Variants in KCNQ1 observed in about 807,000 individuals in gnomAD.
KCNQ1 encodes the protein potassium voltage-gated channel subfamily Q member 1.
In KCNQ1, 49 loss-of-function variants were observed where a neutral mutation model predicts 72.4. The observed-to-expected ratio is 0.68, with a 90% CI of 0.54 to 0.86. KCNQ1 has a LOEUF of 0.86. KCNQ1 is among the 40% of genes least tolerant of loss of function. KCNQ1 has a pLI of 0.00. For missense variants in KCNQ1, 790 were observed against 945.1 expected (o/e 0.84, Z 2.15); for synonymous variants, 450 against 412.6 (o/e 1.09, Z -1.10).
chr11:2,614,354 T>G (rs1453345337), intron 10 of KCNQ1: 6 of 398,470 alleles, frequency 1.5e-5, no homozygotes, highest in Non-Finnish European at 2.2e-5. Context: ...GTGCACCCTT[T>G]AAATTTTTTA....
At position 2,831,194 on chromosome 11, in the gene KCNQ1, C is replaced by G. The variant is rs199856137; in HGVS notation, c.1795-16573C>G. 7.2e-5 allele frequency among the ~76,000 whole-genome samples: 11 copies of G among 152,322 alleles called. No individual in the cohort carries two copies. The East Asian group carries it at 2.1e-3, about 29-fold the overall frequency. On this transcript the variant is annotated intron_variant, in intron 15 of 15. Transcript: ENST00000155840. ...ACAGGTGCTCTGTGATCAGCAGCAG[C>G]TGCTACAGGGATGGCCATCGGGTGC...
In KCNQ1 at chr11:2,579,893, C is replaced by T. The variant is rs1367376447; in HGVS notation, c.922-3542C>T. Among the ~76,000 whole-genome samples, 7 of 152,046 alleles carry T rather than the reference C, an allele frequency of 4.6e-5. No homozygotes were observed. In the East Asian group the frequency reaches 9.7e-4, roughly 21 times the overall value. On this transcript the variant is annotated intron_variant, in intron 6 of 15. Coordinates refer to ENST00000155840, the MANE Select transcript of KCNQ1 (RefSeq NM_000218.3). The surrounding 1 kb of genome is among the most constrained non-coding windows in gnomAD (Gnocchi z 6.0). ...GAAGGTGGTCTCGGGTGTCCTTACG[C>T]GAGCAGGTGGCTACCTCACCTGCTC... is the stretch of plus-strand genomic sequence containing the variant.
Position 2,654,294 on chromosome 11 carries a change from A to T in KCNQ1, c.1394-7667A>T. The T allele has an allele frequency of 2.5e-6, 1 of 396,892 alleles. No individual in the cohort carries two copies. Among genetic ancestry groups the T allele is most frequent in the Non-Finnish European group, 4.4e-6 (1 of 225,664 alleles). 24.6% of individuals were successfully genotyped at this position (396,892 alleles called of 1,614,324 possible). On this transcript the variant is annotated intron_variant, in intron 10 of 15. Transcript: ENST00000155840. This position sits in a 1 kb window ranked among gnomAD's most constrained non-coding sequence, Gnocchi z 6.4. ...GCAGGGCTTTGGTGAATCCACTGAG[A>T]GGGGGAGATTTCTTGAGGGGGCCAG...
Position 2,713,871 on chromosome 11 carries a change from C to A in KCNQ1, c.1514+51790C>A, listed in dbSNP as rs116579288. Among the ~76,000 whole-genome samples, 797 of 152,364 alleles carry A rather than the reference C, an allele frequency of 5.2e-3. 8 individuals are homozygous for A. The highest frequency in any genetic ancestry group is 0.018 in the African/African-American group (761 of 41,582). Reference sequence around the variant, plus strand: ...TATTGCTTCCAGATGGGCAAACGCGCGCTCGGAGCCTGGCCCTGCAGACAC... The same window carrying A: ...TATTGCTTCCAGATGGGCAAACGCGAGCTCGGAGCCTGGCCCTGCAGACAC... On this transcript the variant is annotated intron_variant, in intron 11 of 15. Coordinates refer to ENST00000155840, the MANE Select transcript of KCNQ1 (RefSeq NM_000218.3). This position sits in a 1 kb window ranked among gnomAD's most constrained non-coding sequence, Gnocchi z 5.6.
chr11:2,815,232 C>T lies in KCNQ1; in HGVS notation c.1795-32535C>T, dbSNP rs967292124. Among the ~76,000 whole-genome samples the T allele has an allele frequency of 3.9e-5, 6 of 152,192 alleles. No individual in the cohort carries two copies. Among genetic ancestry groups the T allele is most frequent in the African/African-American group, 1.4e-4 (6 of 41,446 alleles). ...CTTGAACCTGGGCAGCCTTTATTCTCTAGGGGCCTTGGGGGTGTCTAGGCT... is the reference window on the plus strand; with the variant it reads ...CTTGAACCTGGGCAGCCTTTATTCTTTAGGGGCCTTGGGGGTGTCTAGGCT... On this transcript the variant is annotated intron_variant, in intron 15 of 15. Transcript: ENST00000155840. The surrounding 1 kb of genome is among the most constrained non-coding windows in gnomAD (Gnocchi z 5.4).
At chr11:2,681,294 T>C in intron 11 of KCNQ1, 1 of 398,596 alleles carries the variant, frequency 2.5e-6, no homozygotes, top group Non-Finnish European at 4.4e-6. Context: ...CTTCCTGTCC[T>C]ACCAGCCCAC....
At chr11:2,485,559 C>T (rs1283526592) in intron 1 of KCNQ1, among the ~76,000 whole-genome samples, 1 of 152,158 alleles carries the variant, frequency 6.6e-6, no homozygotes, top group Non-Finnish European at 1.5e-5. Flanking sequence ...ACCATTTTAA[C>T]TATTTTTAAG....
In KCNQ1 at chr11:2,676,441, T is replaced by C. The variant is rs1261103796; in HGVS notation, c.1514+14360T>C. ...GGCTGGGCTTTTCCCAGATAGGACA[T>C]GCTCACTGTTCTGCTCAGATTGTTA... On this transcript the variant is annotated intron_variant, in intron 11 of 15. Transcript: ENST00000155840. The surrounding 1 kb of genome is among the most constrained non-coding windows in gnomAD (Gnocchi z 4.2). The C allele has an allele frequency of 5.0e-6, 2 of 398,670 alleles. No homozygotes were observed. Among genetic ancestry groups the C allele is most frequent in the Non-Finnish European group, 8.8e-6 (2 of 226,082 alleles). The allele number at this position is 398,670 out of a possible 1,614,324, so 24.7% of individuals were successfully genotyped here.
chr11:2,628,212 C>T lies in KCNQ1; in HGVS notation c.1394-33749C>T, dbSNP rs567775830. The T allele has an allele frequency of 4.4e-4, 176 of 398,548 alleles. No individual in the cohort carries two copies. The highest frequency in any genetic ancestry group is 3.3e-3 in the African/African-American group (162 of 48,718). The allele number at this position is 398,548 out of a possible 1,614,324, so 24.7% of individuals were successfully genotyped here. ...TTTTAATTTTTTAAAGAAAATCTATCGTGTTTTCCATAATGACTGTATCAA... is the reference window on the plus strand; with the variant it reads ...TTTTAATTTTTTAAAGAAAATCTATTGTGTTTTCCATAATGACTGTATCAA... On this transcript the variant is annotated intron_variant, in intron 10 of 15. Transcript: ENST00000155840.
chr11:2,607,951 T>C (rs560653647), intron 10 of KCNQ1, among the ~76,000 whole-genome samples: 1 of 152,322 alleles, frequency 6.6e-6, no homozygotes, highest in South Asian at 2.1e-4. Flanking sequence ...CTATACACTG[T>C]CAAAAACAAT....
At position 2,678,615 on chromosome 11, in the gene KCNQ1, A is replaced by G. The variant is rs1422212982; in HGVS notation, c.1514+16534A>G. The G allele has an allele frequency of 2.0e-5, 8 of 398,332 alleles. No homozygotes were observed. Among genetic ancestry groups the G allele is most frequent in the Admixed American group, 4.4e-5 (1 of 22,692 alleles). 24.7% of individuals were successfully genotyped at this position (398,332 alleles called of 1,614,324 possible). A position where few individuals can be genotyped will look rare whatever the true frequency, so the allele number is the denominator to read the frequency against. ...TGTAGCAGGACTCCCCCTCATCTCC[A>G]TTACTTAAGAGCCAATAATGGGAAG... is the stretch of plus-strand genomic sequence containing the variant. On this transcript the variant is annotated intron_variant, in intron 11 of 15. Coordinates refer to ENST00000155840, the MANE Select transcript of KCNQ1 (RefSeq NM_000218.3). The surrounding 1 kb of genome is among the most constrained non-coding windows in gnomAD (Gnocchi z 4.9).
At chr11:2,476,486 A>C (rs1846570228) in intron 1 of KCNQ1, among the ~76,000 whole-genome samples, 1 of 152,234 alleles carries the variant, frequency 6.6e-6, no homozygotes. Flanking sequence ...AAAAGTTCAC[A>C]GTAAGAAAAG....
rs999742890 is a variant in KCNQ1 at position 2,565,446 on chromosome 11, T to G, written c.478-5182T>G. ...TCACAGAAATGACTGTCCAAGCCCT[T>G]TGCCTATTTTTTAAAAATTGAGTTG... On this transcript the variant is annotated intron_variant, in intron 2 of 15. Coordinates refer to ENST00000155840, the MANE Select transcript of KCNQ1 (RefSeq NM_000218.3). The surrounding 1 kb of genome is among the most constrained non-coding windows in gnomAD (Gnocchi z 5.6). Among the ~76,000 whole-genome samples, 17 of 152,212 alleles carry G rather than the reference T, an allele frequency of 1.1e-4. No individual in the cohort carries two copies. The highest frequency in any genetic ancestry group is 4.1e-4 in the African/African-American group (17 of 41,446).
chr11:2,684,932 A>G, intron 11 of KCNQ1: 1 of 398,692 alleles, frequency 2.5e-6, no homozygotes, highest in East Asian at 3.6e-5. Context: ...TGATCCATGC[A>G]GCATGTTATC....
In KCNQ1 at chr11:2,759,816, C is replaced by T. The variant is rs1564883862; in HGVS notation, c.1515-9028C>T. Among the ~76,000 whole-genome samples, 1 of 152,060 alleles carries T rather than the reference C, an allele frequency of 6.6e-6. No individual in the cohort carries two copies. The highest frequency in any genetic ancestry group is 1.5e-5 in the Non-Finnish European group (1 of 67,990). ...GCTCAGGGACACAGGTGAGGCCAGCCCCTCCTCCACCCTGGGCATCTCCAG... is the reference window on the plus strand; with the variant it reads ...GCTCAGGGACACAGGTGAGGCCAGCTCCTCCTCCACCCTGGGCATCTCCAG... On this transcript the variant is annotated intron_variant, in intron 11 of 15. Transcript: ENST00000155840. The surrounding 1 kb of genome is among the most constrained non-coding windows in gnomAD (Gnocchi z 4.4).
chr11:2,586,891 C>T lies in KCNQ1; in HGVS notation c.1129-679C>T, dbSNP rs1262580903. Among the ~76,000 whole-genome samples, 6 of 152,180 alleles carry T rather than the reference C, an allele frequency of 3.9e-5. 1 individual carries two copies. The highest frequency in any genetic ancestry group is 7.3e-5 in the Non-Finnish European group (5 of 68,028). On this transcript the variant is annotated intron_variant, in intron 8 of 15. Transcript: ENST00000155840. ...CTCATACAAGGCCCTGGGAGCCCCT[C>T]CTGCCCATCTGGACGCTGCACAACT...
chr11:2,445,420 G>A lies in KCNQ1; in HGVS notation c.322G>A (p.Gly108Ser), dbSNP rs1206718397. 1 of 1,597,906 alleles carries A rather than the reference G, an allele frequency of 6.3e-7. No individual in the cohort carries two copies. Among genetic ancestry groups the A allele is most frequent in the South Asian group, 1.1e-5 (1 of 90,982 alleles). The change falls in exon 1 of 16, where the codon GGC (glycine) becomes AGC (serine). Residue 108 changes from glycine to serine, a missense_variant. Around this residue, in one of 5 missense-constraint regions of KCNQ1, gnomAD observed 294 missense variants for 323.3 expected, o/e 0.91. Transcript: ENST00000155840. ...GGTGTTGGCGCGCACCCACGTCCAG[G>A]GCCGCGTCTACAACTTCCTCGAGCG... ...RPVLARTHVQ[G>S]RVYNFLERPT...
At chr11:2,648,579 T>C (rs1849703357) in intron 10 of KCNQ1, 1 of 398,440 alleles carries the variant, frequency 2.5e-6, no homozygotes, top group South Asian at 1.3e-4. Context: ...TCTGTTCAAT[T>C]TCAGAAGTTC....
Position 2,483,657 on chromosome 11 carries a change from G to A in KCNQ1, c.386+38173G>A, listed in dbSNP as rs947947955. ...TCCCTCGGTTTGGATTCTCTGATAT[G>A]CTCTCATGATTAGATCAAGATTGTG... is the stretch of plus-strand genomic sequence containing the variant. On this transcript the variant is annotated intron_variant, in intron 1 of 15. Coordinates refer to ENST00000155840, the MANE Select transcript of KCNQ1 (RefSeq NM_000218.3). The surrounding 1 kb of genome is among the most constrained non-coding windows in gnomAD (Gnocchi z 6.1). 7.2e-5 allele frequency among the ~76,000 whole-genome samples: 11 copies of A among 152,116 alleles called. No individual in the cohort carries two copies. Among genetic ancestry groups the A allele is most frequent in the Non-Finnish European group, 1.5e-4 (10 of 68,024 alleles).
Sources: gnomAD v4.1 joint callset for allele counts (sites outside exome capture counted in the v4.1 genomes callset) on GRCh38, gnomAD v4.1.1 for gene constraint, gnomAD v4.1.1 regional missense constraint, Gnocchi (gnomAD v3.1) non-coding constraint, MANE v1.5 for transcripts, NCBI Gene and HGNC (gene_info 2026-07-23, HGNC 2026-07-21) for gene names.